CNTNAP3B: variants seen among roughly 807,000 people sequenced by gnomAD.
CNTNAP3B encodes the protein contactin-associated protein-like 3B.
Under a neutral mutation model 108.9 loss-of-function variants are expected in CNTNAP3B, and 25 were observed. That is an observed-to-expected ratio of 0.23 (90% CI 0.17 to 0.32). The LOEUF (loss-of-function observed/expected upper bound fraction) is 0.32. Among genes scored for constraint, CNTNAP3B ranks in the 10% least tolerant of loss-of-function variants. The pLI is 1.00. For synonymous variants in CNTNAP3B, 103 were observed against 473.4 expected (o/e 0.22, Z 10.16); for missense variants, 252 against 1,210.4 (o/e 0.21, Z 11.75).
intron 3 of CNTNAP3B, among the ~76,000 whole-genome samples, chr9:42,070,671 T>TCATA (rs1272689675): frequency 6.6e-6 from 1 of 152,128 alleles, no homozygotes; most frequent in Non-Finnish European, 1.5e-5. Flanking sequence ...TCCTGCTCTC[T>TCATA]CATAGCAGGT....
intron 3 of CNTNAP3B, among the ~76,000 whole-genome samples, chr9:42,043,338 T>C (rs1191653186): frequency 2.1e-5 from 2 of 97,412 alleles, no homozygotes; most frequent in Non-Finnish European, 4.3e-5. Context: ...CAGCTAATTT[T>C]TGTATTTTTA....
intron 11 of CNTNAP3B, among the ~76,000 whole-genome samples, chr9:41,963,411 T>C (rs1587153275): frequency 1.3e-5 from 2 of 151,248 alleles, no homozygotes. Flanking sequence ...TCAGATTCTG[T>C]GATGTTCTAA....
At chr9:42,044,428 T>G (rs1263047338) in intron 3 of CNTNAP3B, among the ~76,000 whole-genome samples, 40 of 145,428 alleles carry the variant, frequency 2.8e-4, no homozygotes, top group African/African-American at 1.0e-3. Flanking sequence ...ACTCATTGTT[T>G]TGGGCCTACA....
chr9:42,107,595 T>A (rs1400045569), intron 1 of CNTNAP3B, among the ~76,000 whole-genome samples: 1 of 123,556 alleles, frequency 8.1e-6, no homozygotes, highest in African/African-American at 3.4e-5. Context: ...TTTGGAAAAT[T>A]CAAGAGTCAA....
chr9:42,085,353 T>C (rs1365868391), intron 2 of CNTNAP3B, among the ~76,000 whole-genome samples: 1 of 143,230 alleles, frequency 7.0e-6, no homozygotes, highest in Non-Finnish European at 1.5e-5. Context: ...ATGACTTCAC[T>C]ACCACGACAA....
At chr9:41,915,922 A>G (rs1823505641) in intron 18 of CNTNAP3B, among the ~76,000 whole-genome samples, 1 of 151,344 alleles carries the variant, frequency 6.6e-6, no homozygotes, top group South Asian at 2.1e-4. Flanking sequence ...TGCATTATAT[A>G]TATCTTATCA....
At chr9:41,964,135 T>C (rs1465026778) in intron 11 of CNTNAP3B, among the ~76,000 whole-genome samples, 6 of 152,308 alleles carry the variant, frequency 3.9e-5, no homozygotes, top group African/African-American at 1.4e-4. Flanking sequence ...AAATGTAACA[T>C]TGACAGCCTG....
rs1587286499 is a variant in CNTNAP3B, at chr9:42,118,644, C to T, written c.85+10366G>A. ...GACAGGATGCCCTCTCTCACCACTC[C>T]TATTCAACATAGTGTTGGAAGTTCT... On this transcript the variant is annotated intron_variant, in intron 1 of 23. Coordinates refer to ENST00000377561, the MANE Select transcript of CNTNAP3B (RefSeq NM_001201380.3). Among the ~76,000 whole-genome samples, 4 of 113,784 alleles carry T rather than the reference C, an allele frequency of 3.5e-5. 1 individual carries two copies. The highest frequency in any genetic ancestry group is 1.1e-4 in the African/African-American group (3 of 28,140). 74.6% of individuals were successfully genotyped at this position (113,784 alleles called of 152,430 possible). A position where few individuals can be genotyped will look rare whatever the true frequency, so the allele number is the denominator to read the frequency against.
Position 42,096,973 on chromosome 9 carries a change from A to G in CNTNAP3B, c.196+7656T>C, listed in dbSNP as rs559274488. 5.3e-5 allele frequency among the ~76,000 whole-genome samples: 7 copies of G among 131,600 alleles called. 1 individual carries two copies. The East Asian group carries it at 1.6e-3, about 31-fold the overall frequency. The allele number at this position is 131,600 out of a possible 152,430, so 86.3% of individuals were successfully genotyped here. A position where few individuals can be genotyped will look rare whatever the true frequency, so the allele number is the denominator to read the frequency against. On this transcript the variant is annotated intron_variant, in intron 2 of 23. Transcript: ENST00000377561. ...TTGATGTTGCCCAGGCTGGTCTCCAACTCCTGGGCTCAAGGTGATCCAACC... is the reference window on the plus strand; with the variant it reads ...TTGATGTTGCCCAGGCTGGTCTCCAGCTCCTGGGCTCAAGGTGATCCAACC...
chr9:41,964,915 C>A (rs1351926847), intron 10 of CNTNAP3B, among the ~76,000 whole-genome samples: 1 of 152,274 alleles, frequency 6.6e-6, no homozygotes, highest in Non-Finnish European at 1.5e-5. Flanking sequence ...AATAACTTGA[C>A]ATGTGGCTAG....
intron 2 of CNTNAP3B, among the ~76,000 whole-genome samples, chr9:42,098,181 C>T (rs1378812629): frequency 7.2e-6 from 1 of 137,976 alleles, no homozygotes; most frequent in African/African-American, 2.9e-5. Flanking sequence ...ACCATTTTCT[C>T]TGTGTGTGTG....
At chr9:42,125,699 C>G (rs538843808) in intron 1 of CNTNAP3B, among the ~76,000 whole-genome samples, 1 of 122,508 alleles carries the variant, frequency 8.2e-6, no homozygotes, top group Non-Finnish European at 1.6e-5. Context: ...GAGACAGAGT[C>G]TCACTCCGTC....
At chr9:41,963,185 C>CT (rs1308386729) in intron 11 of CNTNAP3B, among the ~76,000 whole-genome samples, 1 of 152,284 alleles carries the variant, frequency 6.6e-6, no homozygotes, top group Non-Finnish European at 1.5e-5. Flanking sequence ...TCTCCTGTGG[C>CT]TTTTGTGAAA....
intron 11 of CNTNAP3B, among the ~76,000 whole-genome samples, chr9:41,961,953 A>T (rs1825107391): frequency 6.6e-6 from 1 of 152,422 alleles, no homozygotes; most frequent in South Asian, 2.1e-4. Context: ...ATATTTGTAT[A>T]TGTCTGGTAG....
At chr9:41,924,644 T>TGCGCGCGCGCACGCAC (rs1482014228) in intron 15 of CNTNAP3B, among the ~76,000 whole-genome samples, 2 of 95,520 alleles carry the variant, frequency 2.1e-5, no homozygotes, top group Admixed American at 2.0e-4. Context: ...CTTTCCTTCC[T>TGCGCGCGCGCACGCAC]GCACACACAC....
intron 10 of CNTNAP3B, among the ~76,000 whole-genome samples, chr9:41,968,990 G>A (rs1222573402): frequency 1.9e-4 from 29 of 152,288 alleles, no homozygotes; most frequent in Admixed American, 1.3e-4. Flanking sequence ...TAGAGACGGG[G>A]TTTCACCATG....
chr9:42,045,282 A>G lies in CNTNAP3B; in HGVS notation c.390+31587T>C, dbSNP rs1045812271. The stretch of plus-strand genomic sequence containing the variant: ...CATATTTTATGGCATAATTATTTTT[A>G]TTGTAAGAAACTCAACATGAAATCT... On this transcript the variant is annotated intron_variant, in intron 3 of 23. Coordinates refer to ENST00000377561, the MANE Select transcript of CNTNAP3B (RefSeq NM_001201380.3). 8.4e-5 allele frequency among the ~76,000 whole-genome samples: 10 copies of G among 119,294 alleles called. 2 individuals are homozygous for G. The Admixed American group carries it at 8.8e-4, about 10-fold the overall frequency. 78.3% of individuals were successfully genotyped at this position (119,294 alleles called of 152,430 possible).
chr9:41,990,704 A>G (rs1018796000), intron 8 of CNTNAP3B, among the ~76,000 whole-genome samples: 2 of 135,412 alleles, frequency 1.5e-5, no homozygotes, highest in African/African-American at 5.8e-5. Flanking sequence ...TCCGATGCCA[A>G]TTTAGGCACA....
intron 1 of CNTNAP3B, among the ~76,000 whole-genome samples, chr9:42,117,123 G>A (rs1171829121): frequency 1.5e-5 from 2 of 137,736 alleles, no homozygotes; most frequent in African/African-American, 5.8e-5. Context: ...CAACAAGACA[G>A]AAAGTTAAAA....
Sources: allele counts gnomAD v4.1 joint callset (sites outside exome capture counted in the v4.1 genomes callset), GRCh38; gene constraint gnomAD v4.1.1; transcripts MANE v1.5; gene names NCBI Gene and HGNC (gene_info 2026-07-23, HGNC 2026-07-21).